The following CECR2 variants were observed in gnomAD, a reference collection of about 807,000 sequenced individuals.
CECR2 encodes the protein CECR2 histone acetyl-lysine reader, also known as chromatin remodeling regulator CECR2.
A neutral mutation model predicts 154.5 loss-of-function variants in CECR2; 30 were observed. The observed-to-expected ratio is 0.19, with a 90% CI of 0.15 to 0.26. The LOEUF (loss-of-function observed/expected upper bound fraction) is 0.26, where lower values mean the gene tolerates loss of function less well. CECR2 is among the 10% of genes least tolerant of loss of function. CECR2 has a pLI of 1.00. For synonymous variants in CECR2, 725 were observed against 683.7 expected (o/e 1.06, Z -0.94); for missense variants, 1,743 against 1,829.3 (o/e 0.95, Z 0.86).
intron 16 of CECR2, among the ~76,000 whole-genome samples, chr22:17,546,687 G>C (rs2056619337): frequency 6.6e-6 from 1 of 151,940 alleles, no homozygotes; most frequent in South Asian, 2.1e-4. Flanking sequence ...CTTCAGATCT[G>C]TTACCAGGAT....
At chr22:17,544,809 CAAAAAAAA>C (rs67994839) in intron 16 of CECR2, among the ~76,000 whole-genome samples, 27 of 45,622 alleles carry the variant, frequency 5.9e-4, no homozygotes, top group African/African-American at 2.0e-3. Context: ...GACTCTGTCT[CAAAAAAAA>C]AAAAAAAAAA....
At position 17,456,027 on chromosome 22, in the gene CECR2, A is replaced by G. The variant is rs183606130; in HGVS notation, c.127-21561A>G. On this transcript the variant is annotated intron_variant, in intron 1 of 18. Coordinates refer to ENST00000262608, the MANE Select transcript of CECR2 (RefSeq NM_001290047.2). ...CAAAATCATGTGGGTTGTGATACCC[A>G]CATTTTCTTCTAGTTTTCACCATTG... 4.6e-5 allele frequency among the ~76,000 whole-genome samples: 7 copies of G among 152,276 alleles called. No homozygotes were observed. In the East Asian group the frequency reaches 1.4e-3, roughly 29 times the overall value.
chr22:17,404,789 T>A (rs972247844), intron 1 of CECR2, among the ~76,000 whole-genome samples: 5 of 152,226 alleles, frequency 3.3e-5, no homozygotes, highest in Non-Finnish European at 5.9e-5. Context: ...GTCCTCTCAC[T>A]TTGTTCATTT....
chr22:17,363,898 G>A (rs1347448606), intron 1 of CECR2, among the ~76,000 whole-genome samples: 3 of 152,250 alleles, frequency 2.0e-5, no homozygotes, highest in African/African-American at 7.2e-5. Flanking sequence ...GCCTCTCAAA[G>A]TGTTGGGATT....
At chr22:17,447,871 A>G (rs2054700971) in intron 1 of CECR2, among the ~76,000 whole-genome samples, 1 of 130,430 alleles carries the variant, frequency 7.7e-6, no homozygotes, top group Non-Finnish European at 1.5e-5. Context: ...CCACATTTCA[A>G]GTGTTTTTTT....
chr22:17,410,504 G>C (rs979264723), intron 1 of CECR2, among the ~76,000 whole-genome samples: 2 of 151,920 alleles, frequency 1.3e-5, no homozygotes. Flanking sequence ...CTGGAGTGCA[G>C]TGGTGCAGTC....
At chr22:17,396,082 TAAAA>T (rs940423027) in intron 1 of CECR2, among the ~76,000 whole-genome samples, 1 of 133,022 alleles carries the variant, frequency 7.5e-6, no homozygotes, top group African/African-American at 2.8e-5. Context: ...TCTACGAAAA[TAAAA>T]AAAAAAACAA....
rs182438337 is a variant in CECR2 at position 17,533,488 on chromosome 22, G to A, written c.1109-3615G>A. 7.9e-5 allele frequency among the ~76,000 whole-genome samples: 12 copies of A among 151,566 alleles called. No homozygotes were observed. The East Asian group carries it at 2.0e-3, about 25-fold the overall frequency. On this transcript the variant is annotated intron_variant, in intron 9 of 18. Coordinates refer to ENST00000262608, the MANE Select transcript of CECR2 (RefSeq NM_001290047.2). ...CTACTAAAAATACAATAATTACCCAGGCATAGTGGCATATACCTGTAATCC... is the reference window on the plus strand; with the variant it reads ...CTACTAAAAATACAATAATTACCCAAGCATAGTGGCATATACCTGTAATCC...
intron 9 of CECR2, among the ~76,000 whole-genome samples, chr22:17,528,748 C>T (rs1251206018): frequency 1.3e-5 from 2 of 152,070 alleles, no homozygotes; most frequent in Non-Finnish European, 2.9e-5. Flanking sequence ...GTTGGCCAGG[C>T]TGGTCTTGAA....
chr22:17,497,373 T>C (rs1363378998), intron 2 of CECR2, 30 bp from the exon 3 acceptor site: 3 of 1,576,832 alleles, frequency 1.9e-6, no homozygotes, highest in Non-Finnish European at 2.6e-6. Flanking sequence ...TTTATATTAA[T>C]GTATTTTTGT....
At chr22:17,412,046 G>A (rs2054075510) in intron 1 of CECR2, among the ~76,000 whole-genome samples, 1 of 152,120 alleles carries the variant, frequency 6.6e-6, no homozygotes, top group South Asian at 2.1e-4. Flanking sequence ...TCTTTCCTTA[G>A]GATGTAACTT....
At position 17,389,270 on chromosome 22, in the gene CECR2, A is replaced by G. The variant is rs566610517; in HGVS notation, c.126+19361A>G. Among the ~76,000 whole-genome samples, 10 of 152,238 alleles carry G rather than the reference A, an allele frequency of 6.6e-5. 1 individual carries two copies. The South Asian group carries it at 2.1e-3, about 32-fold the overall frequency. On this transcript the variant is annotated intron_variant, in intron 1 of 18. Coordinates refer to ENST00000262608, the MANE Select transcript of CECR2 (RefSeq NM_001290047.2). ...TCTTTCTCCCCACCAAGCTATCTTC[A>G]TAGTTACTTTTTGTTTTATATTTTA... is the stretch of plus-strand genomic sequence containing the variant.
chr22:17,498,592 A>G (rs958238402), intron 3 of CECR2, among the ~76,000 whole-genome samples: 1 of 152,158 alleles, frequency 6.6e-6, no homozygotes, highest in African/African-American at 2.4e-5. Flanking sequence ...GGACTTCAGT[A>G]GCAGTGAGAA....
intron 1 of CECR2, among the ~76,000 whole-genome samples, chr22:17,394,166 C>T (rs868587548): frequency 6.5e-4 from 90 of 138,670 alleles, no homozygotes; most frequent in African/African-American, 2.1e-3. Context: ...GGATTACAGG[C>T]GTGAGCCACC....
intron 1 of CECR2, among the ~76,000 whole-genome samples, chr22:17,397,313 G>A (rs192224267): frequency 2.3e-3 from 346 of 151,778 alleles, no homozygotes; most frequent in African/African-American, 7.7e-3. Context: ...CTAATTTTTT[G>A]TATTTTAGTA....
Position 17,549,444 on chromosome 22 carries a change from A to G in CECR2, c.4157A>G (p.Glu1386Gly). ...ACCCAGCCCAACGGCCTCTCTCAGGAGGGTCCCATCTATCGCTGCCAGGAA... is the reference window on the plus strand; with the variant it reads ...ACCCAGCCCAACGGCCTCTCTCAGGGGGGTCCCATCTATCGCTGCCAGGAA... Reference protein sequence around the residue: ...GATQPNGLSQEGPIYRCQEEG... With the variant: ...GATQPNGLSQGGPIYRCQEEG... The change falls in exon 17 of 19, where the codon GAG becomes GGG. Residue 1386 changes from glutamate to glycine, a missense_variant. Physicochemically the swap from Glu to Gly is moderately conservative, Grantham distance 98 (BLOSUM62 -2). Transcript: ENST00000262608. The G allele has an allele frequency of 6.2e-7, 1 of 1,612,890 alleles. No individual in the cohort carries two copies. Among genetic ancestry groups the G allele is most frequent in the Non-Finnish European group, 8.5e-7 (1 of 1,179,416 alleles).
At chr22:17,379,317 A>G (rs2063157334) in intron 1 of CECR2, among the ~76,000 whole-genome samples, 1 of 152,178 alleles carries the variant, frequency 6.6e-6, no homozygotes, top group Non-Finnish European at 1.5e-5. Flanking sequence ...GTTTGGGGCT[A>G]GTAGGGAGGG....
chr22:17,468,375 A>G (rs1387346235), intron 1 of CECR2, among the ~76,000 whole-genome samples: 4 of 152,138 alleles, frequency 2.6e-5, no homozygotes, highest in East Asian at 1.9e-4. Context: ...TCACCTTTGT[A>G]GGTTTAAGAT....
At chr22:17,481,089 A>G (rs1026116560) in intron 2 of CECR2, among the ~76,000 whole-genome samples, 1 of 146,366 alleles carries the variant, frequency 6.8e-6, no homozygotes, top group Non-Finnish European at 1.5e-5. Flanking sequence ...CACGCCTGTA[A>G]TCCCAGCACT....
Sources: allele counts gnomAD v4.1 joint callset (sites outside exome capture counted in the v4.1 genomes callset), GRCh38; gene constraint gnomAD v4.1.1; transcripts MANE v1.5; gene names NCBI Gene and HGNC (gene_info 2026-07-23, HGNC 2026-07-21).